The following TMEM156 variants were observed in gnomAD, a reference collection of about 807,000 sequenced individuals.
TMEM156 encodes transmembrane protein 156.
In TMEM156, 28 loss-of-function variants were observed where a neutral mutation model predicts 30.5. That is an observed-to-expected ratio of 0.92 (90% CI 0.68 to 1.26). The LOEUF (loss-of-function observed/expected upper bound fraction) is 1.26, where lower values mean the gene tolerates loss of function less well. Among genes scored for constraint, TMEM156 ranks in the 50% most tolerant of loss-of-function variants. The pLI is 0.00. For synonymous variants in TMEM156, 137 were observed against 119.9 expected (o/e 1.14, Z -0.93); for missense variants, 351 against 340.6 (o/e 1.03, Z -0.24).
At chr4:39,004,180 G>C (rs1246669627) in intron 1 of TMEM156, among the ~76,000 whole-genome samples, 1 of 152,040 alleles carries the variant, frequency 6.6e-6, no homozygotes, top group Non-Finnish European at 1.5e-5. Flanking sequence ...ACATCTAAAT[G>C]TTCACTCTCA....
chr4:39,024,622 T>C (rs1715081596), intron 1 of TMEM156, among the ~76,000 whole-genome samples: 1 of 152,038 alleles, frequency 6.6e-6, no homozygotes, highest in African/African-American at 2.4e-5. Context: ...GGGAGCTAAA[T>C]GATGAGAACA....
At chr4:39,019,574 C>T (rs951501685) in intron 1 of TMEM156, among the ~76,000 whole-genome samples, 4 of 152,052 alleles carry the variant, frequency 2.6e-5, no homozygotes, top group Admixed American at 1.3e-4. Flanking sequence ...TTTGTGTGTA[C>T]GAATTGTTGC....
At chr4:39,027,522 G>C (rs1273394677) in intron 1 of TMEM156, among the ~76,000 whole-genome samples, 1 of 150,248 alleles carries the variant, frequency 6.7e-6, no homozygotes, top group Non-Finnish European at 1.5e-5. Context: ...GATAAAATTA[G>C]GTCTGAGGTG....
intron 6 of TMEM156, 33 bp downstream of exon 6, chr4:38,970,999 T>C: frequency 7.3e-7 from 1 of 1,360,812 alleles, no homozygotes; most frequent in Non-Finnish European, 1.0e-6. Context: ...GTGTTTATAA[T>C]GAAGAAGTCG....
At chr4:38,983,633 CAA>C (rs1349274996) in intron 5 of TMEM156, among the ~76,000 whole-genome samples, 1 of 152,206 alleles carries the variant, frequency 6.6e-6, no homozygotes, top group Non-Finnish European at 1.5e-5. Context: ...CTCCTGGACT[CAA>C]GTGATCCTCC....
chr4:39,007,415 T>TTTTA (rs56959550), intron 1 of TMEM156, among the ~76,000 whole-genome samples: 3 of 151,562 alleles, frequency 2.0e-5, no homozygotes, highest in African/African-American at 7.3e-5. Flanking sequence ...CTTCCTTTCT[T>TTTTA]TTTATTTATT....
At chr4:38,986,839 A>G (rs1019259324) in intron 4 of TMEM156, among the ~76,000 whole-genome samples, 72 of 147,460 alleles carry the variant, frequency 4.9e-4, no homozygotes, top group African/African-American at 1.7e-3. Flanking sequence ...AAAAAAAAAA[A>G]AAAAAAAAAA....
At chr4:39,005,425 T>C (rs770481387) in intron 1 of TMEM156, among the ~76,000 whole-genome samples, 5 of 152,166 alleles carry the variant, frequency 3.3e-5, no homozygotes, top group Admixed American at 6.6e-5. Context: ...CCTGCTGCCT[T>C]GTGAAGAGCT....
intron 5 of TMEM156, among the ~76,000 whole-genome samples, chr4:38,977,740 C>T (rs1341421755): frequency 1.3e-5 from 2 of 152,164 alleles, no homozygotes; most frequent in Admixed American, 1.3e-4. Flanking sequence ...AAACTTCAAA[C>T]AGCCTTAAAA....
chr4:38,999,476 A>T (rs1264514173), intron 1 of TMEM156, among the ~76,000 whole-genome samples: 1 of 152,168 alleles, frequency 6.6e-6, no homozygotes, highest in Non-Finnish European at 1.5e-5. Flanking sequence ...TTCTGAATCC[A>T]TCTGTTCCAA....
At chr4:38,980,306 G>A (rs953457639) in intron 5 of TMEM156, among the ~76,000 whole-genome samples, 3 of 152,010 alleles carry the variant, frequency 2.0e-5, no homozygotes, top group African/African-American at 7.2e-5. Flanking sequence ...AACTGATGAA[G>A]TGTTTAACCA....
rs1577550043 is a variant in TMEM156 at position 38,999,831 on chromosome 4, A to T, written c.89-922T>A. Among the ~76,000 whole-genome samples the T allele has an allele frequency of 2.6e-5, 4 of 152,298 alleles. No homozygotes were observed. The South Asian group carries it at 8.3e-4, about 32-fold the overall frequency. On this transcript the variant is annotated intron_variant, in intron 1 of 6. Transcript: ENST00000381938. ...TCTCCTCTGTGTCTCTGTTTCTACT[A>T]GCCAAAAAGGCTAATCCAGAATAAT... is the stretch of plus-strand genomic sequence containing the variant.
intron 1 of TMEM156, among the ~76,000 whole-genome samples, chr4:39,007,970 A>C (rs1713856682): frequency 6.6e-6 from 1 of 152,114 alleles, no homozygotes; most frequent in Non-Finnish European, 1.5e-5. Flanking sequence ...TTGACCTTTA[A>C]ATATCAATCT....
At chr4:38,999,693 C>G (rs1297711128) in intron 1 of TMEM156, among the ~76,000 whole-genome samples, 1 of 152,202 alleles carries the variant, frequency 6.6e-6, no homozygotes, top group Admixed American at 6.5e-5. Context: ...CATGATTGTA[C>G]TACCTCTGGA....
intron 6 of TMEM156, among the ~76,000 whole-genome samples, chr4:38,969,674 C>A (rs1168546053): frequency 2.6e-5 from 4 of 152,190 alleles, no homozygotes; most frequent in African/African-American, 9.7e-5. Flanking sequence ...CTCACTGCAG[C>A]CTCAACTTCC....
chr4:38,988,007 T>C (rs906834117), intron 4 of TMEM156, among the ~76,000 whole-genome samples: 1 of 152,134 alleles, frequency 6.6e-6, no homozygotes, highest in Non-Finnish European at 1.5e-5. Context: ...ACCGGTAGCA[T>C]CATACCAGTA....
chr4:38,978,803 G>A lies in TMEM156; in HGVS notation c.823+7533C>T, dbSNP rs190618792. 1.0e-3 allele frequency among the ~76,000 whole-genome samples: 153 copies of A among 151,990 alleles called. 1 individual carries two copies. The highest frequency in any genetic ancestry group is 6.8e-3 in the Middle Eastern group (2 of 294). On this transcript the variant is annotated intron_variant, in intron 5 of 6. Coordinates refer to ENST00000381938, the MANE Select transcript of TMEM156 (RefSeq NM_024943.3). The stretch of plus-strand genomic sequence containing the variant: ...GGAATGCATTTTTTTTTTCTTTTGA[G>A]ACAGGGTCTCGCTCTGTCACCTAGG...
At chr4:38,983,094 G>A (rs548881822) in intron 5 of TMEM156, among the ~76,000 whole-genome samples, 1 of 152,120 alleles carries the variant, frequency 6.6e-6, no homozygotes, top group African/African-American at 2.4e-5. Context: ...AGTTCAGAGG[G>A]GGGTGACACC....
intron 1 of TMEM156, among the ~76,000 whole-genome samples, chr4:39,008,421 A>G (rs1014263795): frequency 3.3e-5 from 5 of 152,156 alleles, no homozygotes; most frequent in African/African-American, 1.2e-4. Flanking sequence ...TTACATTATT[A>G]GATTTTTCTA....
Sources: allele counts gnomAD v4.1 joint callset (sites outside exome capture counted in the v4.1 genomes callset), GRCh38; gene constraint gnomAD v4.1.1; transcripts MANE v1.5; gene names NCBI Gene and HGNC (gene_info 2026-07-23, HGNC 2026-07-21).